The following SELENOT variants were observed in gnomAD, a reference collection of about 807,000 sequenced individuals.
SELENOT encodes the protein thioredoxin reductase-like selenoprotein T.
SELENOT carries 9 observed loss-of-function variants against 24.3 expected under a neutral mutation model. The ratio of observed to expected loss-of-function variants is 0.37; its 90% CI spans 0.22 to 0.65. The LOEUF is 0.65. SELENOT is among the 30% of genes least tolerant of loss of function. SELENOT has a pLI of 0.60. For synonymous variants in SELENOT, 81 were observed against 86.0 expected (o/e 0.94, Z 0.32); for missense variants, 166 against 247.6 (o/e 0.67, Z 2.21).
In SELENOT at chr3:150,607,640, G is replaced by C. The variant is rs140306524; in HGVS notation, c.137+4141G>C. Among the ~76,000 whole-genome samples the C allele has an allele frequency of 2.1e-3, 319 of 152,278 alleles. 1 individual carries two copies. The highest frequency in any genetic ancestry group is 7.6e-3 in the African/African-American group (315 of 41,544). On this transcript the variant is annotated intron_variant, in intron 1 of 5. Transcript: ENST00000471696. ...GTGGTGGTATGAGAGATGCCTAGTCGGGATCAGGGAAGGTTTCCATGAGGA... is the reference window on the plus strand; with the variant it reads ...GTGGTGGTATGAGAGATGCCTAGTCCGGATCAGGGAAGGTTTCCATGAGGA...
At chr3:150,603,563 G>A in intron 1 of SELENOT, 64 bp downstream of exon 1, 9 of 1,488,590 alleles carry the variant, frequency 6.0e-6, no homozygotes, top group Non-Finnish European at 8.1e-6. Context: ...TTGGCTACGC[G>A]AGGCCCCGGC....
chr3:150,629,315 AC>A lies in SELENOT; in HGVS notation c.*1687del, dbSNP rs1440672201. 6.6e-6 allele frequency: 1 copy of A among 152,646 alleles called. No homozygotes were observed. The highest frequency in any genetic ancestry group is 2.4e-5 in the African/African-American group (1 of 41,458). 9.5% of individuals were successfully genotyped at this position (152,646 alleles called of 1,614,324 possible). A position where few individuals can be genotyped will look rare whatever the true frequency, so the allele number is the denominator to read the frequency against. ...ATAAACTTAAGTTCTTCATATAGTG[AC>A]AAGAGTCCTTAGAGATTGTTATTCA... On this transcript the variant is annotated 3_prime_UTR_variant, in exon 6 of 6. Transcript: ENST00000471696.
At chr3:150,608,308 T>C (rs1726014970) in intron 1 of SELENOT, among the ~76,000 whole-genome samples, 1 of 152,210 alleles carries the variant, frequency 6.6e-6, no homozygotes, top group South Asian at 2.1e-4. Flanking sequence ...AATTAACAGT[T>C]ACTTTATTAC....
chr3:150,611,774 C>A (rs1726098576), intron 1 of SELENOT: 1 of 1,200,490 alleles, frequency 8.3e-7, no homozygotes, highest in Non-Finnish European at 1.2e-6. Flanking sequence ...TGAGACCGCC[C>A]CTGCGCCCGG....
At position 150,603,513 on chromosome 3, in the gene SELENOT, C is replaced by A; in HGVS notation, c.137+14C>A. 1 of 1,572,658 alleles carries A rather than the reference C, an allele frequency of 6.4e-7. No homozygotes were observed. Among genetic ancestry groups the A allele is most frequent in the Non-Finnish European group, 8.7e-7 (1 of 1,151,534 alleles). On this transcript the variant is annotated intron_variant, in intron 1 of 5. Coordinates refer to ENST00000471696, the MANE Select transcript of SELENOT (RefSeq NM_016275.5). ...GTTCCAGATTTGGTGAGTATGTGCACTGGGCCCCGGCCACCCCGCCGCGCC... is the reference window on the plus strand; with the variant it reads ...GTTCCAGATTTGGTGAGTATGTGCAATGGGCCCCGGCCACCCCGCCGCGCC...
At chr3:150,617,655 C>T (rs919848303) in intron 1 of SELENOT, among the ~76,000 whole-genome samples, 1 of 152,110 alleles carries the variant, frequency 6.6e-6, no homozygotes, top group African/African-American at 2.4e-5. Flanking sequence ...TATTTCTACA[C>T]TGGTAGACAC....
chr3:150,611,391 T>G (rs1049126248), intron 1 of SELENOT: 2 of 1,232,554 alleles, frequency 1.6e-6, no homozygotes, highest in African/African-American at 2.9e-5. Context: ...TCTCAACAAG[T>G]TGTGCTTTAT....
chr3:150,621,456 C>G (rs1472741802), intron 1 of SELENOT, among the ~76,000 whole-genome samples: 1 of 152,008 alleles, frequency 6.6e-6, no homozygotes, highest in Non-Finnish European at 1.5e-5. Context: ...ACCCTGCTTC[C>G]TCTGTACCAA....
intron 1 of SELENOT, among the ~76,000 whole-genome samples, chr3:150,605,541 T>C (rs1725943744): frequency 6.6e-6 from 1 of 152,162 alleles, no homozygotes; most frequent in East Asian, 1.9e-4. Context: ...CTAATAATTT[T>C]CTTTTACAGT....
intron 1 of SELENOT, among the ~76,000 whole-genome samples, chr3:150,613,308 C>T (rs1197074591): frequency 1.3e-5 from 2 of 152,138 alleles, no homozygotes; most frequent in African/African-American, 2.4e-5. Flanking sequence ...TGCCTCCCAA[C>T]AGTGTTGCAT....
chr3:150,625,812 A>G (rs1274136146), intron 4 of SELENOT, among the ~76,000 whole-genome samples: 2 of 152,200 alleles, frequency 1.3e-5, no homozygotes, highest in East Asian at 3.9e-4. Context: ...TAAAGTGTAA[A>G]ATATTTACCA....
At chr3:150,622,700 A>T (rs1273854654) in intron 2 of SELENOT, among the ~76,000 whole-genome samples, 2 of 152,164 alleles carry the variant, frequency 1.3e-5, no homozygotes, top group African/African-American at 4.8e-5. Flanking sequence ...CGTTTCAGAG[A>T]TGGCAACCCT....
chr3:150,621,183 A>G (rs1726334657), intron 1 of SELENOT, among the ~76,000 whole-genome samples: 1 of 152,160 alleles, frequency 6.6e-6, no homozygotes, highest in African/African-American at 2.4e-5. Context: ...AAATATTTAG[A>G]CTTGTAAGGG....
chr3:150,627,702 A>C lies in SELENOT; in HGVS notation c.*73A>C, dbSNP rs1726472314. The C allele has an allele frequency of 6.5e-6, 1 of 152,726 alleles. No individual in the cohort carries two copies. Among genetic ancestry groups the C allele is most frequent in the Non-Finnish European group, 1.5e-5 (1 of 68,110 alleles). The allele number at this position is 152,726 out of a possible 1,614,324, so 9.5% of individuals were successfully genotyped here. A position where few individuals can be genotyped will look rare whatever the true frequency, so the allele number is the denominator to read the frequency against. On this transcript the variant is annotated 3_prime_UTR_variant, in exon 6 of 6. Coordinates refer to ENST00000471696, the MANE Select transcript of SELENOT (RefSeq NM_016275.5). Reference sequence around the variant, plus strand: ...AAGAGCAGCGTGACTGACATTATGAAGGCCTGTACTGAAGACAGCAAGCTG... The same window carrying C: ...AAGAGCAGCGTGACTGACATTATGACGGCCTGTACTGAAGACAGCAAGCTG...
intron 1 of SELENOT, 150 bp downstream of exon 1, chr3:150,603,649 C>G: frequency 1.0e-6 from 1 of 960,892 alleles, no homozygotes; most frequent in South Asian, 1.8e-5. Flanking sequence ...AGCCTTCTCG[C>G]GGCCCCTTAG....
intron 4 of SELENOT, among the ~76,000 whole-genome samples, chr3:150,626,111 C>T (rs1022244152): frequency 3.9e-5 from 6 of 152,034 alleles, no homozygotes; most frequent in African/African-American, 9.7e-5. Context: ...CCCTGTGATC[C>T]GCCCGCCTCC....
At chr3:150,615,345 T>C (rs1233326597) in intron 1 of SELENOT, among the ~76,000 whole-genome samples, 2 of 151,624 alleles carry the variant, frequency 1.3e-5, no homozygotes, top group Non-Finnish European at 2.9e-5. Flanking sequence ...TGTGTCTTTA[T>C]AGCAGCATGA....
At chr3:150,624,664 A>G (rs1487830597) in intron 3 of SELENOT, 148 bp from the exon 4 acceptor site, 1 of 457,266 alleles carries the variant, frequency 2.2e-6, no homozygotes, top group East Asian at 3.7e-5. Context: ...GGAGCTGCAA[A>G]TTAATATTGG....
In SELENOT at chr3:150,612,326, TAAGTGA is replaced by T. The variant is rs1726114437; in HGVS notation, c.137+8828_137+8833del. ...CAGGCTGGTCTCAAACTCCTGACCC[TAAGTGA>T]TTGGCCCTCCTCGGCCTCCCAAAGT... On this transcript the variant is annotated intron_variant, in intron 1 of 5. Transcript: ENST00000471696. Among the ~76,000 whole-genome samples the T allele has an allele frequency of 1.1e-4, 16 of 152,212 alleles. No individual in the cohort carries two copies. In the South Asian group the frequency reaches 3.1e-3, roughly 30 times the overall value.
Sources: gnomAD v4.1 joint callset for allele counts (sites outside exome capture counted in the v4.1 genomes callset) on GRCh38, gnomAD v4.1.1 for gene constraint, MANE v1.5 for transcripts, NCBI Gene and HGNC (gene_info 2026-07-23, HGNC 2026-07-21) for gene names.